Variants in ARHGAP32 observed in about 807,000 individuals in gnomAD.
The protein encoded by ARHGAP32 is rho GTPase-activating protein 32.
ARHGAP32 carries 51 observed loss-of-function variants against 186.5 expected under a neutral mutation model. The ratio of observed to expected loss-of-function variants is 0.27; its 90% CI spans 0.22 to 0.35. The LOEUF (loss-of-function observed/expected upper bound fraction) is 0.35. ARHGAP32 is among the 10% of genes least tolerant of loss of function. ARHGAP32 has a pLI of 1.00. For synonymous variants in ARHGAP32, 950 were observed against 964.3 expected (o/e 0.99, Z 0.27); for missense variants, 2,186 against 2,623.5 (o/e 0.83, Z 3.64).
At chr11:129,263,825 T>C (rs1017250949) in intron 1 of ARHGAP32, among the ~76,000 whole-genome samples, 2 of 152,132 alleles carry the variant, frequency 1.3e-5, no homozygotes, top group South Asian at 2.1e-4. Flanking sequence ...AAAAAGGGTA[T>C]GGCTGTTTCT....
intron 1 of ARHGAP32, among the ~76,000 whole-genome samples, chr11:129,274,140 T>A (rs73584248): frequency 6.6e-6 from 1 of 152,174 alleles, no homozygotes. Flanking sequence ...CTCTTACTTG[T>A]CCTACAACAA....
At chr11:129,206,158 T>C (rs1944511066) in intron 1 of ARHGAP32, among the ~76,000 whole-genome samples, 1 of 152,160 alleles carries the variant, frequency 6.6e-6, no homozygotes, top group Non-Finnish European at 1.5e-5. Flanking sequence ...AATCACTCAA[T>C]TACCACAAAT....
chr11:129,028,697 T>C (rs1434920304), intron 11 of ARHGAP32, among the ~76,000 whole-genome samples: 1 of 152,194 alleles, frequency 6.6e-6, no homozygotes, highest in African/African-American at 2.4e-5. Flanking sequence ...ATTTAGTGAA[T>C]ATGTGAAATA....
At chr11:129,016,114 G>GT (rs1938324213) in intron 11 of ARHGAP32, among the ~76,000 whole-genome samples, 1 of 152,226 alleles carries the variant, frequency 6.6e-6, no homozygotes, top group African/African-American at 2.4e-5. Context: ...ACGCATTTCT[G>GT]TGACTGCTAA....
intron 1 of ARHGAP32, among the ~76,000 whole-genome samples, chr11:129,238,126 T>C (rs1397462732): frequency 1.3e-5 from 2 of 152,184 alleles, no homozygotes; most frequent in African/African-American, 4.8e-5. Flanking sequence ...TGACTAACCC[T>C]AATTTCTCTT....
chr11:129,207,972 C>T (rs1944535652), intron 1 of ARHGAP32, among the ~76,000 whole-genome samples: 2 of 152,132 alleles, frequency 1.3e-5, no homozygotes, highest in East Asian at 1.9e-4. Flanking sequence ...AACATTTCTA[C>T]GTCCTCCCAC....
rs768006672 is a variant in ARHGAP32, at chr11:128,981,505, C to T, written c.1691G>A (p.Arg564Lys). 1 of 1,614,030 alleles carries T rather than the reference C, an allele frequency of 6.2e-7. No homozygotes were observed. The highest frequency in any genetic ancestry group is 1.7e-5 in the Admixed American group (1 of 59,992). The change falls in exon 17 of 23, where the codon AGG becomes AAG. Residue 564 changes from arginine (R) to lysine (K), a missense_variant. Physicochemically the swap from Arg to Lys is conservative, Grantham distance 26. Coordinates refer to ENST00000682385, the MANE Select transcript of ARHGAP32 (RefSeq NM_001378024.1). ...FSGTAAFMEV[R>K]IQSVVVEFIL... ...GAACTCAACAACCACAGACTGAATC[C>T]TCACTTCCATGAAAGCTGCTGTTCC...
chr11:129,208,542 T>C (rs979753709), intron 1 of ARHGAP32, among the ~76,000 whole-genome samples: 1 of 152,128 alleles, frequency 6.6e-6, no homozygotes, highest in African/African-American at 2.4e-5. Context: ...GGATCAAATA[T>C]ATCCACAAAT....
At chr11:129,071,563 G>A (rs745832532) in intron 6 of ARHGAP32, among the ~76,000 whole-genome samples, 22 of 151,900 alleles carry the variant, frequency 1.4e-4, no homozygotes, top group South Asian at 4.1e-4. Flanking sequence ...AGATGGTGTC[G>A]GCAAAGCTGT....
At chr11:129,068,862 G>A (rs988151821) in intron 6 of ARHGAP32, among the ~76,000 whole-genome samples, 1 of 151,892 alleles carries the variant, frequency 6.6e-6, no homozygotes, top group Non-Finnish European at 1.5e-5. Context: ...TCAATTTGCA[G>A]TATCTCATCA....
In ARHGAP32 at chr11:128,969,231, G is replaced by C. The variant is rs139852631; in HGVS notation, c.5982C>G (p.Pro1994=). 1 of 1,613,992 alleles carries C rather than the reference G, an allele frequency of 6.2e-7. No homozygotes were observed. Among genetic ancestry groups the C allele is most frequent in the Non-Finnish European group, 8.5e-7 (1 of 1,179,988 alleles). The part of the protein sequence containing the change: ...EEHLTQSIVP[P]PKPERSHSLK... ...GGCTATGACTCCTCTCTGGTTTAGGGGGTGGGACGATTGACTGAGTGAGGT... is the reference window on the plus strand; with the variant it reads ...GGCTATGACTCCTCTCTGGTTTAGGCGGTGGGACGATTGACTGAGTGAGGT... The change falls in exon 23 of 23, where the codon CCC becomes CCG. Residue 1994 remains proline (P), a synonymous_variant. Coordinates refer to ENST00000682385, the MANE Select transcript of ARHGAP32 (RefSeq NM_001378024.1). The surrounding 1 kb of genome is among the most constrained non-coding windows in gnomAD (Gnocchi z 4.8).
Position 128,981,459 on chromosome 11 carries a change from C to A in ARHGAP32, c.1737G>T (p.Val579=). 3 of 1,613,512 alleles carry A rather than the reference C, an allele frequency of 1.9e-6. No homozygotes were observed. The highest frequency in any genetic ancestry group is 2.5e-6 in the Non-Finnish European group (3 of 1,179,646). Residue 579 remains valine, a synonymous_variant, in exon 17 of 23, where the codon GTG becomes GTT. Coordinates refer to ENST00000682385, the MANE Select transcript of ARHGAP32 (RefSeq NM_001378024.1). ...VVEFILNHVD[V]LFSGRISMAM... is the part of the protein sequence containing the mutation. ...CCATGCTGATTCTGCCGCTGAACAG[C>A]ACATCAACGTGATTCAGGATGAACT...
chr11:129,275,353 G>A (rs1265143551), intron 1 of ARHGAP32, among the ~76,000 whole-genome samples: 1 of 152,100 alleles, frequency 6.6e-6, no homozygotes, highest in Non-Finnish European at 1.5e-5. Context: ...AACCTTCCAA[G>A]GTAGATACTA....
intron 1 of ARHGAP32, among the ~76,000 whole-genome samples, chr11:129,240,422 TA>T (rs1944999343): frequency 6.6e-6 from 1 of 152,292 alleles, no homozygotes; most frequent in South Asian, 2.1e-4. Context: ...GACCCTTCCC[TA>T]ATTGTGCTAC....
At chr11:129,058,766 C>T (rs927846086) in intron 10 of ARHGAP32, among the ~76,000 whole-genome samples, 16 of 152,182 alleles carry the variant, frequency 1.1e-4, no homozygotes, top group Admixed American at 6.5e-5. Context: ...TAAAAACCAC[C>T]GAACTAAGCT....
intron 2 of ARHGAP32, chr11:129,125,750 C>T: frequency 8.6e-6 from 2 of 232,986 alleles, no homozygotes. Context: ...AGAATTAAAC[C>T]TTGTTACATC....
At chr11:129,041,600 G>A (rs1193590487) in intron 10 of ARHGAP32, among the ~76,000 whole-genome samples, 4 of 152,042 alleles carry the variant, frequency 2.6e-5, no homozygotes, top group Admixed American at 6.6e-5. Context: ...GGAAAAGAGG[G>A]AAAGTAAGAG....
chr11:129,033,545 A>T (rs1939200747), intron 11 of ARHGAP32, among the ~76,000 whole-genome samples: 1 of 152,178 alleles, frequency 6.6e-6, no homozygotes, highest in Non-Finnish European at 1.5e-5. Flanking sequence ...ATATCTTCCC[A>T]CACTGTAATC....
chr11:129,058,188 T>C (rs906398392), intron 10 of ARHGAP32, among the ~76,000 whole-genome samples: 33 of 133,920 alleles, frequency 2.5e-4, no homozygotes, highest in South Asian at 1.4e-3. Flanking sequence ...AAAAAAAATA[T>C]ACACACACAC....
Sources: allele counts gnomAD v4.1 joint callset (sites outside exome capture counted in the v4.1 genomes callset), GRCh38; gene constraint gnomAD v4.1.1; non-coding constraint Gnocchi (gnomAD v3.1); transcripts MANE v1.5; gene names NCBI Gene and HGNC (gene_info 2026-07-23, HGNC 2026-07-21).